The following ABCB11 variants were observed in gnomAD, a reference collection of about 807,000 sequenced individuals.
The protein encoded by ABCB11 is bile salt export pump.
A neutral mutation model predicts 148.0 loss-of-function variants in ABCB11; 95 were observed. The observed-to-expected ratio is 0.64, with a 90% CI of 0.54 to 0.76. The LOEUF (loss-of-function observed/expected upper bound fraction) is 0.76, where lower values mean the gene tolerates loss of function less well. ABCB11 is among the 30% of genes least tolerant of loss of function. ABCB11 has a pLI of 0.00. For synonymous variants in ABCB11, 591 were observed against 555.4 expected (o/e 1.06, Z -0.90); for missense variants, 1,523 against 1,617.8 (o/e 0.94, Z 1.01).
chr2:169,017,805 G>C, intron 2 of ABCB11: 1 of 631,880 alleles, frequency 1.6e-6, no homozygotes, highest in Admixed American at 2.2e-5. Context: ...ACTCTATCTA[G>C]GAAAGGTGTT....
rs372949231 is a variant in ABCB11, at chr2:168,938,936, A to G, written c.2611-2503T>C. The stretch of plus-strand genomic sequence containing the variant: ...ATTTTTTTCTTTACAAAAAGGGCTC[A>G]TACTCTACATATTACTTTGTACTTT... On this transcript the variant is annotated intron_variant, in intron 21 of 27. Coordinates refer to ENST00000650372, the MANE Select transcript of ABCB11 (RefSeq NM_003742.4). Among the ~76,000 whole-genome samples the G allele has an allele frequency of 9.2e-5, 14 of 152,218 alleles. 1 individual carries two copies. Among genetic ancestry groups the G allele is most frequent in the African/African-American group, 3.4e-4 (14 of 41,564 alleles).
intron 24 of ABCB11, 54 bp from the exon 25 acceptor site, chr2:168,930,916 G>A: frequency 6.9e-7 from 1 of 1,452,418 alleles, no homozygotes; most frequent in Non-Finnish European, 9.3e-7. Context: ...CTAGAATATT[G>A]AAAACACACC....
intron 13 of ABCB11, among the ~76,000 whole-genome samples, chr2:168,972,687 T>C (rs1693637735): frequency 6.6e-6 from 1 of 152,066 alleles, no homozygotes; most frequent in Non-Finnish European, 1.5e-5. Flanking sequence ...ATGTTTGCCA[T>C]GCCTGTGTAA....
At chr2:168,973,922 G>C in intron 12 of ABCB11, 82 bp from the exon 13 acceptor site, 1 of 1,503,098 alleles carries the variant, frequency 6.7e-7, no homozygotes, top group South Asian at 1.2e-5. Context: ...CAGATGCTTT[G>C]TGTTGATACT....
At chr2:168,958,479 C>T (rs966977082) in intron 18 of ABCB11, among the ~76,000 whole-genome samples, 4 of 151,312 alleles carry the variant, frequency 2.6e-5, no homozygotes, top group East Asian at 2.0e-4. Flanking sequence ...GTATTTATAC[C>T]GGTGAGGACT....
At chr2:169,020,234 C>A (rs937106313) in intron 1 of ABCB11, among the ~76,000 whole-genome samples, 3 of 151,968 alleles carry the variant, frequency 2.0e-5, no homozygotes, top group Admixed American at 2.0e-4. Context: ...CATATTTATA[C>A]AACTATAATT....
intron 8 of ABCB11, 75 bp downstream of exon 8, chr2:168,993,636 A>G: frequency 7.2e-7 from 1 of 1,386,194 alleles, no homozygotes; most frequent in East Asian, 2.5e-5. Flanking sequence ...AGGAAAAGGG[A>G]CTCAAGCTTC....
chr2:169,005,785 A>C (rs958245981), intron 5 of ABCB11, among the ~76,000 whole-genome samples: 1 of 152,196 alleles, frequency 6.6e-6, no homozygotes, highest in Non-Finnish European at 1.5e-5. Context: ...CAATGTATAC[A>C]TATTTCAAAA....
intron 18 of ABCB11, among the ~76,000 whole-genome samples, chr2:168,962,832 A>G (rs983475638): frequency 1.3e-5 from 2 of 151,726 alleles, no homozygotes; most frequent in Non-Finnish European, 3.0e-5. Flanking sequence ...GGCAGGATGC[A>G]GTAAGAAACT....
intron 1 of ABCB11, among the ~76,000 whole-genome samples, chr2:169,025,467 T>C (rs1695668768): frequency 6.6e-6 from 1 of 152,170 alleles, no homozygotes; most frequent in Non-Finnish European, 1.5e-5. Flanking sequence ...AAGTTCCCTT[T>C]GCCCTTCAAG....
At chr2:168,923,926 G>C in intron 27 of ABCB11, 104 bp from the exon 28 acceptor site, 1 of 1,078,512 alleles carries the variant, frequency 9.3e-7, no homozygotes, top group African/African-American at 1.5e-5. Flanking sequence ...TCCTATACTT[G>C]ACGGCAAACC....
At chr2:168,993,592 G>C (rs1406355858) in intron 8 of ABCB11, 119 bp downstream of exon 8, 1 of 882,096 alleles carries the variant, frequency 1.1e-6, no homozygotes, top group Admixed American at 2.9e-5. Flanking sequence ...CAAACTACAT[G>C]AAGATAGTGA....
chr2:169,005,594 G>C (rs1237063888), intron 5 of ABCB11, among the ~76,000 whole-genome samples: 2 of 152,200 alleles, frequency 1.3e-5, no homozygotes, highest in African/African-American at 4.8e-5. Context: ...GGCAGCCAGT[G>C]ACCAGGGCTG....
intron 11 of ABCB11, among the ~76,000 whole-genome samples, chr2:168,978,487 A>G (rs560432899): frequency 1.3e-5 from 2 of 151,986 alleles, no homozygotes; most frequent in East Asian, 3.9e-4. Flanking sequence ...ACTCCAATAT[A>G]TGAAACCCCA....
intron 19 of ABCB11, among the ~76,000 whole-genome samples, chr2:168,952,467 C>T (rs1399803654): frequency 1.3e-5 from 2 of 151,410 alleles, no homozygotes; most frequent in Non-Finnish European, 3.0e-5. Flanking sequence ...AGGTTGCACG[C>T]TTCCAGGAAT....
intron 15 of ABCB11, 78 bp downstream of exon 15, chr2:168,969,967 C>A: frequency 7.7e-7 from 1 of 1,292,446 alleles, no homozygotes; most frequent in Non-Finnish European, 1.1e-6. Flanking sequence ...CCCTCCCACC[C>A]CACAAGGAGC....
chr2:168,940,665 A>G (rs561135917), intron 21 of ABCB11, among the ~76,000 whole-genome samples: 1 of 152,226 alleles, frequency 6.6e-6, no homozygotes, highest in South Asian at 2.1e-4. Context: ...CAAATAACAT[A>G]TTTTCCGTGT....
At chr2:168,980,323 T>G (rs1694090992) in intron 10 of ABCB11, among the ~76,000 whole-genome samples, 3 of 152,178 alleles carry the variant, frequency 2.0e-5, no homozygotes, top group African/African-American at 7.2e-5. Context: ...ATTCATTATA[T>G]AATCAGCCTT....
At chr2:168,957,358 C>T (rs1312287672) in intron 19 of ABCB11, among the ~76,000 whole-genome samples, 1 of 151,542 alleles carries the variant, frequency 6.6e-6, no homozygotes, top group African/African-American at 2.4e-5. Context: ...TTAGATATTG[C>T]CTGATACATG....
Sources: allele counts gnomAD v4.1 joint callset (sites outside exome capture counted in the v4.1 genomes callset), GRCh38; gene constraint gnomAD v4.1.1; transcripts MANE v1.5; gene names NCBI Gene and HGNC (gene_info 2026-07-23, HGNC 2026-07-21).